The following ZNF385D variants were observed in gnomAD, a reference collection of about 807,000 sequenced individuals.
ZNF385D encodes zinc finger protein 385D.
In ZNF385D, 15 loss-of-function variants were observed where a neutral mutation model predicts 35.8. The ratio of observed to expected loss-of-function variants is 0.42; its 90% CI spans 0.28 to 0.64. ZNF385D has a LOEUF of 0.64. Among genes scored for constraint, ZNF385D ranks in the 30% least tolerant of loss-of-function variants. The probability of loss-of-function intolerance (pLI) is 0.23; values close to 1 mark genes in which losing one functional copy is unlikely to be tolerated. For synonymous variants in ZNF385D, 212 were observed against 186.8 expected, an observed-to-expected ratio of 1.13 and a Z score of -1.10; for missense variants, 474 against 494.6, an observed-to-expected ratio of 0.96 and a Z score of 0.39.
intron 2 of ZNF385D, among the ~76,000 whole-genome samples, chr3:22,205,356 A>G (rs1697078209): frequency 6.6e-6 from 1 of 151,994 alleles, no homozygotes; most frequent in South Asian, 2.1e-4. Flanking sequence ...CCTGTGCTAT[A>G]AGAAATGCTA....
chr3:21,848,869 T>A (rs976970639), intron 3 of ZNF385D, among the ~76,000 whole-genome samples: 5 of 152,062 alleles, frequency 3.3e-5, no homozygotes, highest in Non-Finnish European at 7.4e-5. Context: ...CTGGCAGACA[T>A]CACATGTATT....
chr3:21,855,763 C>A (rs1696676920), intron 3 of ZNF385D, among the ~76,000 whole-genome samples: 1 of 152,056 alleles, frequency 6.6e-6, no homozygotes, highest in African/African-American at 2.4e-5. Flanking sequence ...CTTAAGTAAA[C>A]TCCTCTTCAC....
At chr3:21,930,190 T>C (rs1291391050) in intron 3 of ZNF385D, among the ~76,000 whole-genome samples, 1 of 151,126 alleles carries the variant, frequency 6.6e-6, no homozygotes, top group Non-Finnish European at 1.5e-5. Flanking sequence ...GTTAAAGGGG[T>C]GAAAGAACAG....
intron 3 of ZNF385D, among the ~76,000 whole-genome samples, chr3:22,078,825 T>G (rs146241444): frequency 6.6e-6 from 1 of 152,066 alleles, no homozygotes; most frequent in Non-Finnish European, 1.5e-5. Context: ...TATGGATATA[T>G]AAGCAAAGAT....
chr3:21,855,472 T>A (rs1696656470), intron 3 of ZNF385D, among the ~76,000 whole-genome samples: 1 of 152,032 alleles, frequency 6.6e-6, no homozygotes, highest in Admixed American at 6.6e-5. Context: ...CCTCGGCATC[T>A]CTACTGTTTT....
chr3:22,110,880 T>C (rs1212287161), intron 3 of ZNF385D, among the ~76,000 whole-genome samples: 1 of 151,900 alleles, frequency 6.6e-6, no homozygotes, highest in African/African-American at 2.4e-5. Context: ...TATAAGGCTG[T>C]CAAGAGAGGT....
intron 3 of ZNF385D, among the ~76,000 whole-genome samples, chr3:21,965,157 AATTAAT>A (rs1702844636): frequency 6.6e-6 from 1 of 152,188 alleles, no homozygotes. Flanking sequence ...TAGAATTGCA[AATTAAT>A]ATCTTATGTA....
chr3:21,684,414 T>TC (rs1158793011), intron 1 of ZNF385D, among the ~76,000 whole-genome samples: 6 of 110,004 alleles, frequency 5.5e-5, no homozygotes, highest in African/African-American at 1.9e-4. Flanking sequence ...CCTCTCTCTC[T>TC]CTCTCTCTCT....
intron 3 of ZNF385D, among the ~76,000 whole-genome samples, chr3:21,862,696 G>C (rs950641398): frequency 1.3e-5 from 2 of 152,166 alleles, no homozygotes; most frequent in African/African-American, 4.8e-5. Context: ...CCCAGATGAA[G>C]ATGTCCAGGC....
intron 3 of ZNF385D, among the ~76,000 whole-genome samples, chr3:22,042,159 A>C (rs116828720): frequency 1.7e-4 from 26 of 152,244 alleles, no homozygotes; most frequent in African/African-American, 6.3e-4. Flanking sequence ...AAGGAATCCT[A>C]CTACCTGGAT....
intron 4 of ZNF385D, among the ~76,000 whole-genome samples, chr3:21,477,235 T>TA (rs763083063): frequency 2.6e-5 from 4 of 151,814 alleles, no homozygotes; most frequent in Non-Finnish European, 4.4e-5. Context: ...ATGTCTAAAC[T>TA]AAAACAAAAC....
At chr3:22,155,002 T>A (rs961632570) in intron 3 of ZNF385D, among the ~76,000 whole-genome samples, 1 of 152,116 alleles carries the variant, frequency 6.6e-6, no homozygotes, top group Admixed American at 6.6e-5. Flanking sequence ...AAGGCAGCCA[T>A]TGAACAGTGT....
chr3:21,907,727 A>G (rs1699752300), intron 3 of ZNF385D, among the ~76,000 whole-genome samples: 1 of 152,100 alleles, frequency 6.6e-6, no homozygotes, highest in African/African-American at 2.4e-5. Flanking sequence ...ATTCAGTATT[A>G]TTATTTTTAA....
At chr3:21,607,190 AATAT>A (rs553279547) in intron 2 of ZNF385D, among the ~76,000 whole-genome samples, 1 of 152,028 alleles carries the variant, frequency 6.6e-6, no homozygotes, top group Non-Finnish European at 1.5e-5. Context: ...TACACATACA[AATAT>A]ATATATAGAA....
chr3:21,951,160 G>C (rs538423934), intron 3 of ZNF385D, among the ~76,000 whole-genome samples: 4 of 151,846 alleles, frequency 2.6e-5, no homozygotes, highest in Non-Finnish European at 5.9e-5. Context: ...TCATGATACT[G>C]ATTCTTCCTG....
At chr3:22,040,823 G>A (rs1034009247) in intron 3 of ZNF385D, among the ~76,000 whole-genome samples, 3 of 152,162 alleles carry the variant, frequency 2.0e-5, no homozygotes, top group Non-Finnish European at 4.4e-5. Flanking sequence ...TAAATGGAAT[G>A]AAATACAAAG....
At chr3:21,525,836 C>T (rs918658955) in intron 3 of ZNF385D, among the ~76,000 whole-genome samples, 4 of 151,994 alleles carry the variant, frequency 2.6e-5, no homozygotes, top group African/African-American at 9.7e-5. Context: ...TAAACACCTA[C>T]ATTTTATGAC....
chr3:22,028,264 A>C (rs1002999395), intron 3 of ZNF385D, among the ~76,000 whole-genome samples: 2 of 152,196 alleles, frequency 1.3e-5, no homozygotes, highest in African/African-American at 4.8e-5. Flanking sequence ...TTAATAATCA[A>C]GTAGATAGAA....
chr3:21,560,340 C>G (rs1271569757), intron 3 of ZNF385D, among the ~76,000 whole-genome samples: 1 of 152,118 alleles, frequency 6.6e-6, no homozygotes, highest in Non-Finnish European at 1.5e-5. Flanking sequence ...CGGATGGGGT[C>G]TGTCAGTGGA....
Sources: gnomAD v4.1 joint callset for allele counts (sites outside exome capture counted in the v4.1 genomes callset) on GRCh38, gnomAD v4.1.1 for gene constraint, MANE v1.5 for transcripts, NCBI Gene and HGNC (gene_info 2026-07-23, HGNC 2026-07-21) for gene names.